DPP10: variants seen among roughly 807,000 people sequenced by gnomAD.
The protein encoded by DPP10 is inactive dipeptidyl peptidase 10.
DPP10 carries 33 observed loss-of-function variants against 120.9 expected under a neutral mutation model. The ratio of observed to expected loss-of-function variants is 0.27; its 90% CI spans 0.21 to 0.37. The LOEUF (loss-of-function observed/expected upper bound fraction) is 0.37. Ranked by LOEUF, DPP10 falls within the 10% of genes least tolerant of loss-of-function variation. DPP10 has a pLI of 1.00. For missense variants in DPP10, 816 were observed against 942.8 expected (o/e 0.87, Z 1.76); for synonymous variants, 337 against 326.1 (o/e 1.03, Z -0.36).
chr2:114,729,644 G>T (rs1357098696), intron 1 of DPP10, among the ~76,000 whole-genome samples: 4 of 152,230 alleles, frequency 2.6e-5, no homozygotes, highest in African/African-American at 9.6e-5. Flanking sequence ...TTTTGAGAGT[G>T]AGGTCCAGAA....
chr2:115,547,025 A>T (rs1463444961), intron 5 of DPP10, among the ~76,000 whole-genome samples: 1 of 152,172 alleles, frequency 6.6e-6, no homozygotes, highest in African/African-American at 2.4e-5. Context: ...CTGGCCTTTG[A>T]AAAGTTTATA....
intron 3 of DPP10, among the ~76,000 whole-genome samples, chr2:115,381,796 G>T (rs543474865): frequency 1.3e-5 from 2 of 151,844 alleles, no homozygotes; most frequent in Non-Finnish European, 2.9e-5. Flanking sequence ...CTGCAGGTCT[G>T]TTGGAGTACC....
At chr2:114,534,637 G>C (rs1351057776) in intron 1 of DPP10, among the ~76,000 whole-genome samples, 3 of 151,650 alleles carry the variant, frequency 2.0e-5, no homozygotes, top group Non-Finnish European at 4.4e-5. Context: ...TATTTCCTTT[G>C]TTTTCAGTAT....
intron 1 of DPP10, among the ~76,000 whole-genome samples, chr2:114,834,283 A>G (rs140614862): frequency 0.027 from 3,647 of 134,832 alleles, 1 homozygote; most frequent in Middle Eastern, 0.043. Context: ...CTATGTATAT[A>G]TAAGCCATGT....
rs560053252 is a variant in DPP10 at position 115,829,851 on chromosome 2, T to C, written c.1951-6306T>C. Among the ~76,000 whole-genome samples the C allele has an allele frequency of 2.3e-4, 35 of 152,298 alleles. No homozygotes were observed. The South Asian group carries it at 7.2e-3, about 32-fold the overall frequency. On this transcript the variant is annotated intron_variant, in intron 21 of 25. Transcript: ENST00000410059. ...ATGGAAAGGTTATGATAATAGCATA[T>C]GTAGCTTTTAGCTGGCCACTGTTTA...
intron 15 of DPP10, 61 bp downstream of exon 15, chr2:115,777,895 A>G: frequency 2.0e-6 from 3 of 1,535,270 alleles, no homozygotes; most frequent in East Asian, 2.3e-5. Flanking sequence ...TCTATGTAGC[A>G]TAAGGAAGGA....
At chr2:115,206,654 A>G (rs2056152474) in intron 1 of DPP10, among the ~76,000 whole-genome samples, 1 of 152,168 alleles carries the variant, frequency 6.6e-6, no homozygotes, top group Non-Finnish European at 1.5e-5. Flanking sequence ...TCATAGTGGG[A>G]TTAGAGAAAC....
At chr2:114,545,058 G>A (rs967844514) in intron 1 of DPP10, among the ~76,000 whole-genome samples, 1 of 152,032 alleles carries the variant, frequency 6.6e-6, no homozygotes, top group Admixed American at 6.6e-5. Context: ...CATCATGTTG[G>A]CCAGGATGGT....
rs188742038 is a variant in DPP10 at position 115,016,469 on chromosome 2, A to C, written c.61-292770A>C. The stretch of plus-strand genomic sequence containing the variant: ...GCGAAGACTTCATGACAAAAACACC[A>C]AAAGCAATGACAACAAAAGCCAAAA... On this transcript the variant is annotated intron_variant, in intron 1 of 25. Transcript: ENST00000410059. Among the ~76,000 whole-genome samples the C allele has an allele frequency of 2.4e-4, 36 of 152,330 alleles. No individual in the cohort carries two copies. In the East Asian group the frequency reaches 6.4e-3, roughly 27 times the overall value.
chr2:115,158,224 G>T (rs2052051239), intron 1 of DPP10, among the ~76,000 whole-genome samples: 1 of 152,138 alleles, frequency 6.6e-6, no homozygotes, highest in African/African-American at 2.4e-5. Flanking sequence ...TTTTGCCACA[G>T]ATACCAAAAC....
intron 1 of DPP10, among the ~76,000 whole-genome samples, chr2:114,570,622 G>A (rs1235681882): frequency 1.3e-5 from 2 of 151,384 alleles, no homozygotes; most frequent in Admixed American, 6.6e-5. Context: ...TCAGGAGATC[G>A]AGACCATCCT....
intron 1 of DPP10, among the ~76,000 whole-genome samples, chr2:114,775,794 C>T (rs1558729454): frequency 1.3e-5 from 2 of 152,152 alleles, no homozygotes; most frequent in Non-Finnish European, 2.9e-5. Flanking sequence ...TAATTCAACA[C>T]AATGCATAAA....
intron 5 of DPP10, among the ~76,000 whole-genome samples, chr2:115,576,789 C>G (rs1261155005): frequency 6.6e-6 from 1 of 152,202 alleles, no homozygotes; most frequent in East Asian, 1.9e-4. Context: ...CCCACACTTA[C>G]TCACAAGCAT....
chr2:115,434,662 T>C (rs2071317685), intron 3 of DPP10, among the ~76,000 whole-genome samples: 1 of 151,898 alleles, frequency 6.6e-6, no homozygotes, highest in Non-Finnish European at 1.5e-5. Flanking sequence ...CACCTCAAGC[T>C]TGTATCTTTT....
intron 3 of DPP10, among the ~76,000 whole-genome samples, chr2:115,387,085 T>C (rs2066995384): frequency 6.6e-6 from 1 of 151,826 alleles, no homozygotes; most frequent in African/African-American, 2.4e-5. Context: ...TGAGATGAGA[T>C]CTCTGCAGGT....
intron 1 of DPP10, among the ~76,000 whole-genome samples, chr2:114,499,870 C>G (rs138020021): frequency 6.6e-6 from 1 of 152,142 alleles, no homozygotes; most frequent in Admixed American, 6.5e-5. Context: ...CAACATGAAC[C>G]AATTCTCCAC....
At chr2:115,071,006 G>A (rs1364518141) in intron 1 of DPP10, among the ~76,000 whole-genome samples, 1 of 152,024 alleles carries the variant, frequency 6.6e-6, no homozygotes, top group East Asian at 1.9e-4. Context: ...TATTTATGAA[G>A]GACAAAAGGT....
chr2:115,339,578 T>C (rs1422312812), intron 2 of DPP10, among the ~76,000 whole-genome samples: 1 of 151,930 alleles, frequency 6.6e-6, no homozygotes. Context: ...CTTCAATGAG[T>C]GAAGAGTTAA....
At chr2:115,617,699 C>G (rs1272232318) in intron 5 of DPP10, among the ~76,000 whole-genome samples, 1 of 151,960 alleles carries the variant, frequency 6.6e-6, no homozygotes, top group Non-Finnish European at 1.5e-5. Flanking sequence ...GCTAGACCAC[C>G]TAGGTTTGTG....
Sources: gnomAD v4.1 joint callset for allele counts (sites outside exome capture counted in the v4.1 genomes callset) on GRCh38, gnomAD v4.1.1 for gene constraint, MANE v1.5 for transcripts, NCBI Gene and HGNC (gene_info 2026-07-23, HGNC 2026-07-21) for gene names.